SLC13A1: variants seen among roughly 807,000 people sequenced by gnomAD.
SLC13A1 encodes Na(+)/sulfate cotransporter.
Under a neutral mutation model 70.0 loss-of-function variants are expected in SLC13A1, and 65 were observed. The observed-to-expected ratio is 0.93, with a 90% confidence interval of 0.76 to 1.14. The LOEUF (loss-of-function observed/expected upper bound fraction) is 1.14, where lower values mean the gene tolerates loss of function less well. Ranked by LOEUF, SLC13A1 falls within the 50% of genes most tolerant of loss-of-function variation. The pLI is 0.00. For missense variants in SLC13A1, 726 were observed against 717.8 expected (o/e 1.01, Z -0.13); for synonymous variants, 275 against 250.5 (o/e 1.10, Z -0.92).
At chr7:123,151,973 C>T (rs1403449933) in intron 6 of SLC13A1, among the ~76,000 whole-genome samples, 1 of 151,912 alleles carries the variant, frequency 6.6e-6, no homozygotes, top group Non-Finnish European at 1.5e-5. Flanking sequence ...TCAACTCTTG[C>T]CTGTTACAGA....
intron 1 of SLC13A1, among the ~76,000 whole-genome samples, chr7:123,183,636 A>G (rs1414714396): frequency 6.6e-6 from 1 of 152,184 alleles, no homozygotes; most frequent in African/African-American, 2.4e-5. Flanking sequence ...CAGCGTCAGC[A>G]TAATCTGGGC....
intron 1 of SLC13A1, among the ~76,000 whole-genome samples, chr7:123,192,618 A>G (rs1198527145): frequency 6.6e-6 from 1 of 152,142 alleles, no homozygotes; most frequent in Non-Finnish European, 1.5e-5. Flanking sequence ...CACAGACCTC[A>G]ATCACTACAA....
intron 7 of SLC13A1, 120 bp from the exon 8 acceptor site, chr7:123,134,649 G>A (rs973788635): frequency 6.9e-6 from 6 of 874,436 alleles, no homozygotes; most frequent in Non-Finnish European, 1.0e-5. Flanking sequence ...GGAAGTCCTG[G>A]AATATACTCA....
intron 14 of SLC13A1, among the ~76,000 whole-genome samples, chr7:123,117,259 GT>G (rs1793210517): frequency 6.6e-6 from 1 of 152,030 alleles, no homozygotes; most frequent in African/African-American, 2.4e-5. Context: ...ACATCTCTCT[GT>G]TTGTGACCGT....
intron 8 of SLC13A1, among the ~76,000 whole-genome samples, chr7:123,131,449 G>A (rs371611835): frequency 1.1e-3 from 167 of 152,252 alleles, no homozygotes; most frequent in African/African-American, 3.7e-3. Context: ...AGCCAAATTG[G>A]CATTGCTACA....
intron 3 of SLC13A1, 141 bp downstream of exon 3, chr7:123,171,627 A>T: frequency 2.3e-6 from 2 of 852,908 alleles, no homozygotes; most frequent in South Asian, 3.0e-5. Flanking sequence ...TATCACTTTC[A>T]TATTTGCAGA....
At chr7:123,136,523 C>A (rs527408785) in intron 7 of SLC13A1, among the ~76,000 whole-genome samples, 11 of 152,220 alleles carry the variant, frequency 7.2e-5, no homozygotes, top group African/African-American at 2.6e-4. Context: ...GCATCTAAAG[C>A]AAATACAGAT....
chr7:123,158,462 A>T (rs1794783716), intron 6 of SLC13A1, among the ~76,000 whole-genome samples: 1 of 152,094 alleles, frequency 6.6e-6, no homozygotes, highest in Admixed American at 6.6e-5. Context: ...ATAGCTTAGA[A>T]ACCACAGTGA....
At position 123,169,252 on chromosome 7, in the gene SLC13A1, A is replaced by G. The variant is rs145150022; in HGVS notation, c.449T>C (p.Ile150Thr). The part of the protein sequence containing the change: ...NTSTAAMVMP[I>T]AEAVVQQIIN... ...GATCTGCTGCACTACAGCCTCCGCA[A>G]TGGGCATCACCATGGCAGCCGTCGA... is the stretch of plus-strand genomic sequence containing the variant. Residue 150 changes from isoleucine to threonine, a missense_variant, in exon 4 of 15, where the codon ATT becomes ACT. Coordinates refer to ENST00000194130, the MANE Select transcript of SLC13A1 (RefSeq NM_022444.4). The G allele has an allele frequency of 4.3e-6, 7 of 1,613,932 alleles. No individual in the cohort carries two copies. Among genetic ancestry groups the G allele is most frequent in the African/African-American group, 2.7e-5 (2 of 74,904 alleles).
intron 1 of SLC13A1, among the ~76,000 whole-genome samples, chr7:123,190,209 A>G (rs1795950051): frequency 6.6e-6 from 1 of 152,156 alleles, no homozygotes; most frequent in South Asian, 2.1e-4. Context: ...TATAAGATTA[A>G]TGATAGCCAT....
In SLC13A1 at chr7:123,128,940, T is replaced by C. The variant is rs781018534; in HGVS notation, c.1038A>G (p.Gln346=). 1 of 1,610,276 alleles carries C rather than the reference T, an allele frequency of 6.2e-7. No individual in the cohort carries two copies. The highest frequency in any genetic ancestry group is 8.5e-7 in the Non-Finnish European group (1 of 1,176,924). Residue 346 remains glutamine, a synonymous_variant, in exon 10 of 15, where the codon CAA becomes CAG. Transcript: ENST00000194130. ...TGAAGAGGACCAAGGTCACAATTTC[T>C]TGATACCTGTGGAAAAATTCCAATG... ...EYQKLGPIRY[Q]EIVTLVLFII...
intron 3 of SLC13A1, among the ~76,000 whole-genome samples, chr7:123,170,199 C>T (rs1006699642): frequency 1.3e-5 from 2 of 152,066 alleles, no homozygotes; most frequent in South Asian, 4.1e-4. Context: ...ATCTGACACC[C>T]TTTTAAAACA....
At chr7:123,186,899 G>A (rs2116644745) in intron 1 of SLC13A1, 2 of 265,832 alleles carry the variant, frequency 7.5e-6, no homozygotes, top group Non-Finnish European at 1.6e-5. Context: ...AAGATTTACA[G>A]TTATGACTAC....
chr7:123,182,353 A>G (rs2116622670), intron 1 of SLC13A1, among the ~76,000 whole-genome samples: 1 of 152,254 alleles, frequency 6.6e-6, no homozygotes, highest in African/African-American at 2.4e-5. Context: ...TCATACTTGT[A>G]AGAACCTAGG....
intron 12 of SLC13A1, among the ~76,000 whole-genome samples, chr7:123,122,526 C>T (rs1376149601): frequency 6.6e-6 from 1 of 152,094 alleles, no homozygotes; most frequent in East Asian, 1.9e-4. Flanking sequence ...TTTATATCAA[C>T]TGGACAGACA....
chr7:123,190,336 C>G lies in SLC13A1; in HGVS notation c.100-9235G>C, dbSNP rs546916552. The G allele has an allele frequency of 1.2e-3, 410 of 331,290 alleles. 10 individuals carry two copies. Among genetic ancestry groups the G allele is most frequent in the South Asian group, 9.6e-3 (394 of 41,174 alleles). The allele number at this position is 331,290 out of a possible 1,614,324, so 20.5% of individuals were successfully genotyped here. A position where few individuals can be genotyped will look rare whatever the true frequency, so the allele number is the denominator to read the frequency against. On this transcript the variant is annotated intron_variant, in intron 1 of 14. Coordinates refer to ENST00000194130, the MANE Select transcript of SLC13A1 (RefSeq NM_022444.4). Reference sequence around the variant, plus strand: ...TGCAGACTGGCTTGGGGATTTCCAACCTTGGCCTGGGGATTTCCAGGAGAC... The same window carrying G: ...TGCAGACTGGCTTGGGGATTTCCAAGCTTGGCCTGGGGATTTCCAGGAGAC...
At position 123,134,459 on chromosome 7, in the gene SLC13A1, T is replaced by A. The variant is rs752631766; in HGVS notation, c.883A>T (p.Ile295Phe). The change falls in exon 8 of 15, where the codon ATT (isoleucine) becomes TTT (phenylalanine). Residue 295 changes from isoleucine to phenylalanine, a missense_variant. Physicochemically the swap from Ile to Phe is conservative, Grantham distance 21 (BLOSUM62 0). Transcript: ENST00000194130. ...FTFSFPAALI[I>F]LLLSWIWLQW... is the part of the protein sequence containing the mutation. ...AGCCAGATCCAGGATAAGAGTAGAATGATAAGGGCAGCTGGGAAGGAAAAC... is the reference window on the plus strand; with the variant it reads ...AGCCAGATCCAGGATAAGAGTAGAAAGATAAGGGCAGCTGGGAAGGAAAAC... 2 of 1,613,384 alleles carry A rather than the reference T, an allele frequency of 1.2e-6. No homozygotes were observed. Among genetic ancestry groups the A allele is most frequent in the South Asian group, 2.2e-5 (2 of 91,058 alleles).
At chr7:123,156,431 G>C (rs78458005) in intron 6 of SLC13A1, among the ~76,000 whole-genome samples, 2,107 of 152,080 alleles carry the variant, frequency 0.014, 21 homozygotes, top group Admixed American at 0.024. Flanking sequence ...GCCCACTTTT[G>C]ACCTTGGTGC....
chr7:123,168,528 T>C lies in SLC13A1; in HGVS notation c.587A>G (p.Lys196Arg). 1 of 1,610,860 alleles carries C rather than the reference T, an allele frequency of 6.2e-7. No homozygotes were observed. The highest frequency in any genetic ancestry group is 8.5e-7 in the Non-Finnish European group (1 of 1,177,844). Residue 196 changes from lysine (K) to arginine (R), a missense_variant, in exon 5 of 15, where the codon AAA (lysine) becomes AGA (arginine). Lys to Arg is a conservative substitution (Grantham distance 26). Transcript: ENST00000194130. The stretch of plus-strand genomic sequence containing the variant: ...CCCTGGAACTGGTTTTGTTTTCTCT[T>C]TCCTCTCATTTATTTCATGTCCATT... Reference protein sequence around the residue: ...SVNGHEINERKEKTKPVPGYN... With the variant: ...SVNGHEINERREKTKPVPGYN...
Sources: gnomAD v4.1 joint callset for allele counts (sites outside exome capture counted in the v4.1 genomes callset) on GRCh38, gnomAD v4.1.1 for gene constraint, MANE v1.5 for transcripts, NCBI Gene and HGNC (gene_info 2026-07-23, HGNC 2026-07-21) for gene names.